EGLN1: variants seen among roughly 807,000 people sequenced by gnomAD.
EGLN1 encodes the protein egl-9 family hypoxia inducible factor 1, also known as egl nine homolog 1.
In EGLN1, 17 loss-of-function variants were observed where a neutral mutation model predicts 38.3. The observed-to-expected ratio is 0.44, with a 90% CI of 0.30 to 0.67. EGLN1 has a LOEUF of 0.67. Ranked by LOEUF, EGLN1 falls within the 30% of genes least tolerant of loss-of-function variation. The pLI is 0.08. For synonymous variants in EGLN1, 283 were observed against 257.5 expected, an observed-to-expected ratio of 1.10 and a Z score of -0.95; for missense variants, 477 against 603.3, an observed-to-expected ratio of 0.79 and a Z score of 2.19.
chr1:231,400,295 A>G (rs1243644109), intron 1 of EGLN1, among the ~76,000 whole-genome samples: 1 of 114,160 alleles, frequency 8.8e-6, no homozygotes, highest in Non-Finnish European at 2.1e-5. Context: ...TTCGTGGGAA[A>G]ATAGTAGGTA....
intron 1 of EGLN1, among the ~76,000 whole-genome samples, chr1:231,404,066 C>T (rs940938511): frequency 2.0e-5 from 3 of 152,096 alleles, no homozygotes; most frequent in South Asian, 2.1e-4. Context: ...AAAAAAGCTA[C>T]TCCCTATTAT....
Position 231,421,858 on chromosome 1 carries a change from G to A in EGLN1, c.31C>T (p.Pro11Ser). The A allele has an allele frequency of 6.8e-7, 1 of 1,474,892 alleles. No homozygotes were observed. Among genetic ancestry groups the A allele is most frequent in the Non-Finnish European group, 8.9e-7 (1 of 1,119,238 alleles). 91.4% of individuals were successfully genotyped at this position (1,474,892 alleles called of 1,614,324 possible). A position where few individuals can be genotyped will look rare whatever the true frequency, so the allele number is the denominator to read the frequency against. MANDSGGPGG[P>S]SPSERDRQYC... ...TGCCGGTCTCGCTCGCTCGGGCTCG[G>A]CCCGCCGGGCCCGCCGCTGTCATTG... is the stretch of plus-strand genomic sequence containing the variant. Residue 11 changes from proline to serine, a missense_variant, in exon 1 of 5, where the codon CCG becomes TCG. Pro to Ser is a moderately conservative substitution (Grantham distance 74). Transcript: ENST00000366641. This position sits in a 1 kb window ranked among gnomAD's most constrained non-coding sequence, Gnocchi z 5.5.
chr1:231,421,664 G>C lies in EGLN1; in HGVS notation c.225C>G (p.Ser75=), dbSNP rs1261683983. The change falls in exon 1 of 5, where the codon TCC becomes TCG. Residue 75 remains serine, a synonymous_variant. Coordinates refer to ENST00000366641, the MANE Select transcript of EGLN1 (RefSeq NM_022051.3). This position sits in a 1 kb window ranked among gnomAD's most constrained non-coding sequence, Gnocchi z 5.5. ...LGHGVGPHQH[S]GPAPPAAVPP... ...GCACTGCAGCCGGCGGCGCGGGGCC[G>C]GAATGCTGGTGTGGGCCCACTCCGT... The C allele has an allele frequency of 3.4e-6, 5 of 1,466,436 alleles. No homozygotes were observed. The highest frequency in any genetic ancestry group is 4.5e-6 in the Non-Finnish European group (5 of 1,113,352). 90.8% of individuals were successfully genotyped at this position (1,466,436 alleles called of 1,614,324 possible).
rs541083325 is a variant in EGLN1, at chr1:231,372,103, G to C, written c.1012-1405C>G. 6.6e-5 allele frequency among the ~76,000 whole-genome samples: 10 copies of C among 152,298 alleles called. No individual in the cohort carries two copies. The Middle Eastern group carries it at 0.01, about 155-fold the overall frequency. Reference sequence around the variant, plus strand: ...TTGGGAGTACCACAGGTGACCTGCTGAAAATGTTTTAAGTGAAATGGCTAC... The same window carrying C: ...TTGGGAGTACCACAGGTGACCTGCTCAAAATGTTTTAAGTGAAATGGCTAC... On this transcript the variant is annotated intron_variant, in intron 2 of 4. Coordinates refer to ENST00000366641, the MANE Select transcript of EGLN1 (RefSeq NM_022051.3).
At chr1:231,415,270 TA>T (rs71777021) in intron 1 of EGLN1, among the ~76,000 whole-genome samples, 42,820 of 134,848 alleles carry the variant, frequency 0.32, 6,788 homozygotes, top group African/African-American at 0.44. Flanking sequence ...CCCTGTCCTT[TA>T]AAAAAAAAAA....
At chr1:231,377,504 G>A (rs1184503113) in intron 1 of EGLN1, among the ~76,000 whole-genome samples, 16 of 152,282 alleles carry the variant, frequency 1.1e-4, no homozygotes, top group Admixed American at 6.5e-4. Flanking sequence ...GAATGACTAC[G>A]GGGTTTTCAG....
At chr1:231,420,808 T>C (rs778807064) in intron 1 of EGLN1, among the ~76,000 whole-genome samples, 190 bp downstream of exon 1, 43 of 151,994 alleles carry the variant, frequency 2.8e-4, no homozygotes, top group Non-Finnish European at 4.6e-4. Context: ...AAACAGTGGA[T>C]ACAAAGGGGC....
At chr1:231,395,998 T>C (rs147200419) in intron 1 of EGLN1, among the ~76,000 whole-genome samples, 89 of 148,994 alleles carry the variant, frequency 6.0e-4, no homozygotes, top group African/African-American at 2.0e-3. Flanking sequence ...CCAGTGAAAT[T>C]ACCCCAGGAA....
At chr1:231,404,359 A>G (rs1228192488) in intron 1 of EGLN1, among the ~76,000 whole-genome samples, 1 of 152,194 alleles carries the variant, frequency 6.6e-6, no homozygotes, top group Non-Finnish European at 1.5e-5. Flanking sequence ...AGGAAAATAA[A>G]TAACTTTTAT....
chr1:231,395,773 C>T (rs1004548553), intron 1 of EGLN1, among the ~76,000 whole-genome samples: 16 of 152,158 alleles, frequency 1.1e-4, no homozygotes, highest in Admixed American at 3.3e-4. Context: ...GCAGCATCCC[C>T]ATTGCTTGGG....
chr1:231,391,528 C>T (rs768759166), intron 1 of EGLN1, among the ~76,000 whole-genome samples: 12 of 152,098 alleles, frequency 7.9e-5, no homozygotes, highest in Non-Finnish European at 1.3e-4. Context: ...ATAATTGGCA[C>T]CGCAGAGCCC....
chr1:231,394,529 C>T lies in EGLN1; in HGVS notation c.892-20430G>A, dbSNP rs548591603. Among the ~76,000 whole-genome samples, 371 of 145,906 alleles carry T rather than the reference C, an allele frequency of 2.5e-3. 1 individual carries two copies. Among genetic ancestry groups the T allele is most frequent in the African/African-American group, 8.9e-3 (356 of 40,178 alleles). On this transcript the variant is annotated intron_variant, in intron 1 of 4. Coordinates refer to ENST00000366641, the MANE Select transcript of EGLN1 (RefSeq NM_022051.3). The stretch of plus-strand genomic sequence containing the variant: ...GAGTAGCTGGGACTACAGGCGCCCG[C>T]CACCACGCCCGACTAATTTTTTTTT...
intron 1 of EGLN1, among the ~76,000 whole-genome samples, chr1:231,405,020 A>G (rs1015026369): frequency 6.6e-5 from 10 of 152,210 alleles, no homozygotes; most frequent in Admixed American, 6.5e-4. Flanking sequence ...CTGACATCCC[A>G]GTAAAACCAA....
intron 1 of EGLN1, among the ~76,000 whole-genome samples, chr1:231,391,758 C>T (rs926653054): frequency 6.6e-6 from 1 of 151,932 alleles, no homozygotes; most frequent in Non-Finnish European, 1.5e-5. Context: ...TAAAAACACA[C>T]TATTAGCTTT....
chr1:231,403,841 CACT>C (rs1189096331), intron 1 of EGLN1, among the ~76,000 whole-genome samples: 2 of 132,024 alleles, frequency 1.5e-5, no homozygotes, highest in African/African-American at 2.9e-5. Context: ...GAAAAGATAA[CACT>C]ACAAGTATTT....
chr1:231,421,155 C>G lies in EGLN1; in HGVS notation c.734G>C (p.Ser245Thr). The change falls in exon 1 of 5, where the codon AGT (serine) becomes ACT (threonine). Residue 245 changes from serine (S) to threonine (T), a missense_variant. Physicochemically the swap from Ser to Thr is moderately conservative, Grantham distance 58 (BLOSUM62 1). Coordinates refer to ENST00000366641, the MANE Select transcript of EGLN1 (RefSeq NM_022051.3). This position sits in a 1 kb window ranked among gnomAD's most constrained non-coding sequence, Gnocchi z 5.5. ...FTDGQLVSQKSDSSKDIRGDK... is the reference protein window; with the variant it reads ...FTDGQLVSQKTDSSKDIRGDK... Reference sequence around the variant, plus strand: ...GCCTCGGATGTCCTTGGACGAGTCACTCTTCTGGCTGACCAGCTGCCCGTC... The same window carrying G: ...GCCTCGGATGTCCTTGGACGAGTCAGTCTTCTGGCTGACCAGCTGCCCGTC... The G allele has an allele frequency of 6.2e-7, 1 of 1,614,216 alleles. No homozygotes were observed. The highest frequency in any genetic ancestry group is 8.5e-7 in the Non-Finnish European group (1 of 1,180,030).
chr1:231,363,767 T>A lies in EGLN1; in HGVS notation c.*2644A>T, dbSNP rs1446438890. On this transcript the variant is annotated 3_prime_UTR_variant, in exon 5 of 5. Coordinates refer to ENST00000366641, the MANE Select transcript of EGLN1 (RefSeq NM_022051.3). ...TAACCACCATAATGTTTCAACAACATTTATACATCTTTTTAATTAGATTAG... is the reference window on the plus strand; with the variant it reads ...TAACCACCATAATGTTTCAACAACAATTATACATCTTTTTAATTAGATTAG... The A allele has an allele frequency of 6.6e-6, 1 of 152,176 alleles. No homozygotes were observed. The highest frequency in any genetic ancestry group is 1.5e-5 in the Non-Finnish European group (1 of 68,028). The allele number at this position is 152,176 out of a possible 1,614,324, so 9.4% of individuals were successfully genotyped here.
intron 1 of EGLN1, among the ~76,000 whole-genome samples, chr1:231,396,605 T>C (rs2808597): frequency 0.55 from 82,909 of 151,992 alleles, 24,231 homozygotes; most frequent in Non-Finnish European, 0.65. Flanking sequence ...ACTTTTCCTC[T>C]GGAGAATTAC....
chr1:231,416,641 T>C (rs1440152116), intron 1 of EGLN1, among the ~76,000 whole-genome samples: 1 of 151,996 alleles, frequency 6.6e-6, no homozygotes, highest in East Asian at 1.9e-4. Context: ...GCTGGGATTA[T>C]AGGCGTGAGC....
Sources: gnomAD v4.1 joint callset for allele counts (sites outside exome capture counted in the v4.1 genomes callset) on GRCh38, gnomAD v4.1.1 for gene constraint, Gnocchi (gnomAD v3.1) non-coding constraint, MANE v1.5 for transcripts, NCBI Gene and HGNC (gene_info 2026-07-23, HGNC 2026-07-21) for gene names.